RRAS2: variants seen among roughly 807,000 people sequenced by gnomAD.
RRAS2 encodes ras-related protein R-Ras2.
Under a neutral mutation model 27.6 loss-of-function variants are expected in RRAS2, and 7 were observed. That is an observed-to-expected ratio of 0.25 (90% CI 0.14 to 0.48). The LOEUF (loss-of-function observed/expected upper bound fraction) is 0.48, where lower values mean the gene tolerates loss of function less well. Ranked by LOEUF, RRAS2 falls within the 20% of genes least tolerant of loss-of-function variation. The pLI is 0.99. For synonymous variants in RRAS2, 86 were observed against 90.9 expected (o/e 0.95, Z 0.31); for missense variants, 178 against 256.2 (o/e 0.69, Z 2.08).
intron 1 of RRAS2, among the ~76,000 whole-genome samples, chr11:14,309,763 G>C (rs1847916830): frequency 1.3e-5 from 2 of 152,154 alleles, no homozygotes; most frequent in Non-Finnish European, 2.9e-5. Flanking sequence ...AAACATGAGA[G>C]AGTGGTTAAT....
intron 1 of RRAS2, among the ~76,000 whole-genome samples, chr11:14,341,531 A>G (rs1452034642): frequency 6.6e-6 from 1 of 152,114 alleles, no homozygotes; most frequent in African/African-American, 2.4e-5. Flanking sequence ...AAATTGAAAT[A>G]TGAATTTCTT....
At chr11:14,314,918 C>T (rs1209553838) in intron 1 of RRAS2, among the ~76,000 whole-genome samples, 1 of 152,114 alleles carries the variant, frequency 6.6e-6, no homozygotes, top group Non-Finnish European at 1.5e-5. Context: ...AACTCTTGGC[C>T]TCAAGTGATC....
At position 14,359,094 on chromosome 11, in the gene RRAS2, G is replaced by A. The variant is rs568594255; in HGVS notation, c.-224C>T. ...AGAAGCGGGGTGACGGCACGGGCCAGGGGCGGCAGCGGCCGGGGGGCGCGC... is the reference window on the plus strand; with the variant it reads ...AGAAGCGGGGTGACGGCACGGGCCAAGGGCGGCAGCGGCCGGGGGGCGCGC... On this transcript the variant is annotated 5_prime_UTR_variant, in exon 1 of 6. Coordinates refer to ENST00000256196, the MANE Select transcript of RRAS2 (RefSeq NM_012250.6). 4.3e-4 allele frequency: 458 copies of A among 1,075,746 alleles called. 3 individuals are homozygous for A. The South Asian group carries it at 8.6e-3, about 20-fold the overall frequency. 66.6% of individuals were successfully genotyped at this position (1,075,746 alleles called of 1,614,324 possible).
intron 4 of RRAS2, among the ~76,000 whole-genome samples, chr11:14,284,462 C>G (rs1849613425): frequency 6.6e-6 from 1 of 152,118 alleles, no homozygotes; most frequent in African/African-American, 2.4e-5. Flanking sequence ...AAAGAAGGTG[C>G]ATTCTACTGT....
At chr11:14,293,883 T>C (rs1847480082) in intron 4 of RRAS2, among the ~76,000 whole-genome samples, 1 of 152,216 alleles carries the variant, frequency 6.6e-6, no homozygotes, top group African/African-American at 2.4e-5. Flanking sequence ...TTTTAACTAA[T>C]AAAATTTCAG....
intron 1 of RRAS2, among the ~76,000 whole-genome samples, chr11:14,327,319 CA>C (rs1183990452): frequency 6.6e-6 from 1 of 152,032 alleles, no homozygotes; most frequent in African/African-American, 2.4e-5. Flanking sequence ...GGTCAAACCT[CA>C]AAACAAGTAC....
chr11:14,330,536 G>A (rs747950072), intron 1 of RRAS2, among the ~76,000 whole-genome samples: 1 of 152,048 alleles, frequency 6.6e-6, no homozygotes, highest in Non-Finnish European at 1.5e-5. Flanking sequence ...TGGTTCCTTG[G>A]GGTTGGGGGA....
chr11:14,286,666 T>C (rs1234426979), intron 4 of RRAS2, among the ~76,000 whole-genome samples: 7 of 152,238 alleles, frequency 4.6e-5, no homozygotes, highest in Non-Finnish European at 1.0e-4. Flanking sequence ...CCAATATACA[T>C]ATATCCAACA....
In RRAS2 at chr11:14,340,383, G is replaced by C. The variant is rs540076702; in HGVS notation, c.108+18380C>G. ...CCCAAAGTGCTGGAATTACAGGAGT[G>C]AGCCACCGCACTCAGCCAAAAAAAA... is the stretch of plus-strand genomic sequence containing the variant. On this transcript the variant is annotated intron_variant, in intron 1 of 5. Coordinates refer to ENST00000256196, the MANE Select transcript of RRAS2 (RefSeq NM_012250.6). 1.7e-4 allele frequency among the ~76,000 whole-genome samples: 26 copies of C among 151,974 alleles called. 2 individuals are homozygous for C. In the South Asian group the frequency reaches 5.2e-3, roughly 30 times the overall value.
intron 3 of RRAS2, 25 bp downstream of exon 3, chr11:14,294,735 A>T (rs782139702): frequency 2.5e-6 from 4 of 1,597,064 alleles, no homozygotes; most frequent in Non-Finnish European, 3.4e-6. Flanking sequence ...AGAACAGTGG[A>T]TCTACATTCT....
intron 1 of RRAS2, among the ~76,000 whole-genome samples, chr11:14,352,869 C>T (rs1331992711): frequency 2.0e-5 from 3 of 151,704 alleles, no homozygotes; most frequent in Non-Finnish European, 2.9e-5. Flanking sequence ...GATCTCCGCC[C>T]ACTACAACCC....
chr11:14,336,350 AC>A (rs1477040428), intron 1 of RRAS2, among the ~76,000 whole-genome samples: 1 of 152,158 alleles, frequency 6.6e-6, no homozygotes, highest in African/African-American at 2.4e-5. Context: ...CAAAAGAAAA[AC>A]CCAAGGAACA....
chr11:14,292,361 T>C (rs543123398), intron 4 of RRAS2, among the ~76,000 whole-genome samples: 48 of 152,284 alleles, frequency 3.2e-4, no homozygotes, highest in Non-Finnish European at 5.1e-4. Context: ...AAAGATCCTA[T>C]TTCTATATTC....
intron 1 of RRAS2, among the ~76,000 whole-genome samples, chr11:14,354,134 C>T (rs1052594147): frequency 6.6e-6 from 1 of 152,092 alleles, no homozygotes; most frequent in South Asian, 2.1e-4. Context: ...AATCTCTTCT[C>T]GGCTCTCTGC....
At chr11:14,334,424 CTTG>C (rs565270732) in intron 1 of RRAS2, among the ~76,000 whole-genome samples, 48 of 151,982 alleles carry the variant, frequency 3.2e-4, no homozygotes, top group Non-Finnish European at 5.0e-4. Flanking sequence ...AAATGCAGTT[CTTG>C]TTGTTGATCA....
At chr11:14,319,518 C>T (rs1178071674) in intron 1 of RRAS2, among the ~76,000 whole-genome samples, 2 of 151,892 alleles carry the variant, frequency 1.3e-5, no homozygotes, top group African/African-American at 4.8e-5. Flanking sequence ...GCCACCGCGC[C>T]CGGCTAATTT....
At chr11:14,291,165 C>T (rs1849804682) in intron 4 of RRAS2, among the ~76,000 whole-genome samples, 1 of 152,148 alleles carries the variant, frequency 6.6e-6, no homozygotes, top group South Asian at 2.1e-4. Context: ...AACAGGAAAA[C>T]ATACACATTA....
At chr11:14,315,189 G>A (rs1848070173) in intron 1 of RRAS2, among the ~76,000 whole-genome samples, 1 of 152,134 alleles carries the variant, frequency 6.6e-6, no homozygotes, top group South Asian at 2.1e-4. Flanking sequence ...AAAGGGTTGG[G>A]GCAGGGAGCA....
At chr11:14,352,453 T>C (rs1848975747) in intron 1 of RRAS2, among the ~76,000 whole-genome samples, 3 of 152,234 alleles carry the variant, frequency 2.0e-5, no homozygotes, top group Admixed American at 1.3e-4. Context: ...GAAATAAATC[T>C]AAGGCCTACC....
Sources: allele counts gnomAD v4.1 joint callset (sites outside exome capture counted in the v4.1 genomes callset), GRCh38; gene constraint gnomAD v4.1.1; transcripts MANE v1.5; gene names NCBI Gene and HGNC (gene_info 2026-07-23, HGNC 2026-07-21).